The following PINX1 variants were observed in gnomAD, a reference collection of about 807,000 sequenced individuals.
The protein encoded by PINX1 is PIN2 (TERF1) interacting telomerase inhibitor 1, also known as PIN2/TERF1-interacting telomerase inhibitor 1.
PINX1 carries 34 observed loss-of-function variants against 25.4 expected under a neutral mutation model. The observed-to-expected ratio is 1.34, with a 90% confidence interval of 1.02 to 1.78. PINX1 has a LOEUF of 1.78. Ranked by LOEUF, PINX1 falls within the 40% of genes most tolerant of loss-of-function variation. The pLI is 0.00. For missense variants in PINX1, 592 were observed against 404.9 expected, an observed-to-expected ratio of 1.46 and a Z score of -3.97; for synonymous variants, 197 against 147.7, an observed-to-expected ratio of 1.33 and a Z score of -2.42.
intron 1 of PINX1, among the ~76,000 whole-genome samples, chr8:10,836,793 T>A (rs1199698560): frequency 6.6e-6 from 1 of 152,176 alleles, no homozygotes; most frequent in African/African-American, 2.4e-5. Flanking sequence ...AATGTGCAGA[T>A]CCTCTTAGAG....
intron 6 of PINX1, among the ~76,000 whole-genome samples, chr8:10,774,305 G>A (rs1449777918): frequency 6.6e-6 from 1 of 150,504 alleles, no homozygotes; most frequent in Non-Finnish European, 1.5e-5. Context: ...TTTTGAGACG[G>A]AGTTTCACTC....
Position 10,811,604 on chromosome 8 carries a change from G to A in PINX1, c.471+8589C>T, listed in dbSNP as rs552879550. On this transcript the variant is annotated intron_variant, in intron 6 of 6. Coordinates refer to ENST00000314787, the MANE Select transcript of PINX1 (RefSeq NM_017884.6). ...GCAGTCCTGGCTCAGGGTCTCTCAC[G>A]CGGATATTGTCAAAAGGTGGGGAGA... is the stretch of plus-strand genomic sequence containing the variant. Among the ~76,000 whole-genome samples the A allele has an allele frequency of 6.6e-5, 10 of 152,288 alleles. No homozygotes were observed. In the South Asian group the frequency reaches 1.0e-3, roughly 16 times the overall value.
At chr8:10,811,362 C>A (rs576326133) in intron 6 of PINX1, among the ~76,000 whole-genome samples, 12 of 152,194 alleles carry the variant, frequency 7.9e-5, no homozygotes, top group Non-Finnish European at 1.6e-4. Flanking sequence ...GACCTGATTT[C>A]CTCATTCTAC....
chr8:10,823,774 G>C (rs936532957), intron 5 of PINX1, among the ~76,000 whole-genome samples: 10 of 152,306 alleles, frequency 6.6e-5, no homozygotes, highest in African/African-American at 2.4e-4. Context: ...TCTGCAGTGA[G>C]CTGAGACTGT....
At chr8:10,826,669 C>T (rs1798057263) in intron 4 of PINX1, among the ~76,000 whole-genome samples, 1 of 152,220 alleles carries the variant, frequency 6.6e-6, no homozygotes, top group African/African-American at 2.4e-5. Flanking sequence ...TACCACTCCA[C>T]AGTAAAGAGC....
intron 6 of PINX1, among the ~76,000 whole-genome samples, chr8:10,798,335 T>C (rs1384511259): frequency 6.6e-6 from 1 of 152,186 alleles, no homozygotes; most frequent in Admixed American, 6.5e-5. Context: ...CAAGTTGACT[T>C]CCAGGCCCTC....
At chr8:10,826,649 T>C (rs1409020996) in intron 4 of PINX1, among the ~76,000 whole-genome samples, 1 of 152,204 alleles carries the variant, frequency 6.6e-6, no homozygotes, top group African/African-American at 2.4e-5. Context: ...GGGCCATCCT[T>C]ACAGTGGAAT....
chr8:10,772,146 TAA>T (rs1417377107), intron 6 of PINX1, among the ~76,000 whole-genome samples: 1 of 152,224 alleles, frequency 6.6e-6, no homozygotes, highest in Non-Finnish European at 1.5e-5. Flanking sequence ...CTGTTCTTGG[TAA>T]AGAGAAGAGA....
At chr8:10,804,462 A>T (rs1189630023) in intron 6 of PINX1, among the ~76,000 whole-genome samples, 1 of 152,126 alleles carries the variant, frequency 6.6e-6, no homozygotes, top group African/African-American at 2.4e-5. Flanking sequence ...GATTAGCGTG[A>T]GCTGGGCAAG....
chr8:10,837,571 G>T (rs896382709), intron 1 of PINX1, among the ~76,000 whole-genome samples: 1 of 152,232 alleles, frequency 6.6e-6, no homozygotes, highest in African/African-American at 2.4e-5. Context: ...ATGGCGCTGG[G>T]CCTCAGGTAG....
intron 1 of PINX1, among the ~76,000 whole-genome samples, chr8:10,835,148 C>A (rs1395214843): frequency 1.3e-5 from 2 of 152,218 alleles, no homozygotes; most frequent in African/African-American, 4.8e-5. Flanking sequence ...AGCAGCATTA[C>A]AGCTTCCATT....
intron 4 of PINX1, among the ~76,000 whole-genome samples, chr8:10,827,847 C>G (rs999759082): frequency 6.9e-6 from 1 of 145,032 alleles, no homozygotes; most frequent in Non-Finnish European, 1.5e-5. Context: ...GGAGGCAGAG[C>G]TTGCAGCGAG....
At chr8:10,772,043 G>T (rs977615788) in intron 6 of PINX1, among the ~76,000 whole-genome samples, 1 of 152,232 alleles carries the variant, frequency 6.6e-6, no homozygotes, top group African/African-American at 2.4e-5. Flanking sequence ...GCAAGGTACT[G>T]TGTGGTATGG....
At chr8:10,809,258 C>G (rs1586179103) in intron 6 of PINX1, among the ~76,000 whole-genome samples, 1 of 152,178 alleles carries the variant, frequency 6.6e-6, no homozygotes, top group Non-Finnish European at 1.5e-5. Flanking sequence ...GAGCAAGTGG[C>G]TGGAGGGAAG....
At chr8:10,819,660 T>C (rs1040071530) in intron 6 of PINX1, among the ~76,000 whole-genome samples, 3 of 152,228 alleles carry the variant, frequency 2.0e-5, no homozygotes, top group East Asian at 1.9e-4. Context: ...ACCCCATTCT[T>C]TTCTTCTAGT....
At chr8:10,820,314 A>C (rs759362837) in intron 5 of PINX1, 45 bp from the exon 6 acceptor site, 10 of 1,348,036 alleles carry the variant, frequency 7.4e-6, no homozygotes, top group Non-Finnish European at 1.1e-5. Flanking sequence ...GTTCTTCCTA[A>C]AAGAAAGAGC....
intron 6 of PINX1, among the ~76,000 whole-genome samples, chr8:10,800,431 T>C (rs1231235962): frequency 6.6e-6 from 1 of 152,074 alleles, no homozygotes; most frequent in African/African-American, 2.4e-5. Context: ...TCTAAAACAA[T>C]AGAATGGAGT....
rs1798269601 is a variant in PINX1, at chr8:10,832,970, C to T, written c.144G>A (p.Gln48=). ...TAATATGATCTGTGGCTCCTTGCTC[C>T]TGAGCCCCTAAACCCTGTGGAGATT... ...GWSKGKGLGA[Q]EQGATDHIKV... The change falls in exon 3 of 7, where the codon CAG becomes CAA. Residue 48 remains glutamine, a synonymous_variant. Coordinates refer to ENST00000314787, the MANE Select transcript of PINX1 (RefSeq NM_017884.6). 1.9e-6 allele frequency: 3 copies of T among 1,607,558 alleles called. No individual in the cohort carries two copies. In the East Asian group the frequency reaches 6.7e-5, roughly 36 times the overall value.
chr8:10,819,833 C>T (rs774866472), intron 6 of PINX1, among the ~76,000 whole-genome samples: 11 of 152,076 alleles, frequency 7.2e-5, no homozygotes, highest in Non-Finnish European at 1.5e-4. Flanking sequence ...TGGAGTAATG[C>T]AGTTTGAGCA....
Sources: allele counts gnomAD v4.1 joint callset (sites outside exome capture counted in the v4.1 genomes callset), GRCh38; gene constraint gnomAD v4.1.1; transcripts MANE v1.5; gene names NCBI Gene and HGNC (gene_info 2026-07-23, HGNC 2026-07-21).